ARFGAP1: variants seen among roughly 807,000 people sequenced by gnomAD.
ARFGAP1 encodes ARF GTPase activating protein 1, also known as ADP-ribosylation factor GTPase-activating protein 1.
In ARFGAP1, 26 loss-of-function variants were observed where a neutral mutation model predicts 54.0. That is an observed-to-expected ratio of 0.48 (90% CI 0.35 to 0.67). The LOEUF (loss-of-function observed/expected upper bound fraction) is 0.67. Ranked by LOEUF, ARFGAP1 falls within the 30% of genes least tolerant of loss-of-function variation. The pLI is 0.00. For missense variants in ARFGAP1, 525 were observed against 535.8 expected (o/e 0.98, Z 0.20); for synonymous variants, 248 against 211.9 (o/e 1.17, Z -1.48).
rs1367390522 is a variant in ARFGAP1, at chr20:63,278,173, G to A, written c.500G>A (p.Trp167Ter). The A allele has an allele frequency of 6.2e-7, 1 of 1,613,706 alleles. No homozygotes were observed. Among genetic ancestry groups the A allele is most frequent in the Non-Finnish European group, 8.5e-7 (1 of 1,179,960 alleles). The change falls in exon 6 of 13, where the codon TGG (tryptophan) becomes TAG (stop). Residue 167 changes from tryptophan to a stop codon, truncating the protein, a stop_gained. Transcript: ENST00000370283. LOFTEE classifies it high-confidence loss of function. ...TCCTCGGACAAGGCTTTTGAAGACT[G>A]GCTGAATGATGACCTCGGCTCCTAT... ...TASSDKAFED[W>*]LNDDLGSYQG... is the part of the protein sequence containing the mutation.
At chr20:63,280,937 C>T (rs1007190622) in intron 7 of ARFGAP1, among the ~76,000 whole-genome samples, 11 of 152,214 alleles carry the variant, frequency 7.2e-5, no homozygotes, top group African/African-American at 2.7e-4. Flanking sequence ...CCCCACACGC[C>T]TCACCTCTGC....
At chr20:63,281,165 G>A in intron 7 of ARFGAP1, 126 bp from the exon 8 acceptor site, 1 of 983,512 alleles carries the variant, frequency 1.0e-6, no homozygotes. Context: ...GGCGCGGTGG[G>A]GTCAGGATGG....
chr20:63,285,410 G>A (rs1003531106), intron 10 of ARFGAP1: 30 of 581,064 alleles, frequency 5.2e-5, no homozygotes, highest in African/African-American at 2.1e-4. Flanking sequence ...CTTAGGTCAC[G>A]TTGCTATTTG....
intron 12 of ARFGAP1, among the ~76,000 whole-genome samples, chr20:63,286,647 G>A (rs903754873): frequency 1.3e-5 from 2 of 152,074 alleles, no homozygotes; most frequent in African/African-American, 4.8e-5. Flanking sequence ...GCTGGGGAGG[G>A]GGCACTGTGG....
At chr20:63,275,996 C>A in intron 2 of ARFGAP1, 95 bp from the exon 3 acceptor site, 1 of 1,155,712 alleles carries the variant, frequency 8.7e-7, no homozygotes, top group Non-Finnish European at 1.3e-6. Context: ...CTGGGCAGCC[C>A]TCTGCATTCG....
chr20:63,284,580 G>A (rs2067474913), intron 9 of ARFGAP1: 1 of 1,295,608 alleles, frequency 7.7e-7, no homozygotes, highest in African/African-American at 1.5e-5. Context: ...GTTCCCACCA[G>A]CCCGGCCCGG....
chr20:63,281,157 C>A, intron 7 of ARFGAP1, 134 bp from the exon 8 acceptor site: 1 of 862,352 alleles, frequency 1.2e-6, no homozygotes, highest in Non-Finnish European at 1.8e-6. Context: ...GAGAAGCAGG[C>A]GCGGTGGGGT....
intron 2 of ARFGAP1, 45 bp downstream of exon 2, chr20:63,275,685 T>G (rs752300235): frequency 1.3e-6 from 2 of 1,582,950 alleles, no homozygotes; most frequent in Non-Finnish European, 8.7e-7. Context: ...TTGGTCAGGG[T>G]CAGTGAGTTC....
intron 9 of ARFGAP1, chr20:63,283,829 G>C (rs2067450204): frequency 1.2e-6 from 2 of 1,613,456 alleles, no homozygotes; most frequent in African/African-American, 1.3e-5. Flanking sequence ...CTCCTCACCT[G>C]TCTTCTTGCT....
chr20:63,283,909 G>T (rs376337334), intron 9 of ARFGAP1: 3 of 1,612,116 alleles, frequency 1.9e-6, no homozygotes, highest in East Asian at 2.2e-5. Flanking sequence ...CGTGCATGCC[G>T]CCCGCATCTC....
intron 1 of ARFGAP1, among the ~76,000 whole-genome samples, chr20:63,274,492 A>C (rs992306780): frequency 1.3e-5 from 2 of 152,116 alleles, no homozygotes; most frequent in Non-Finnish European, 2.9e-5. Flanking sequence ...TGGCACTGGG[A>C]AGGTCAGCAG....
intron 11 of ARFGAP1, 128 bp from the exon 12 acceptor site, chr20:63,286,238 C>T (rs1568744370): frequency 6.4e-6 from 10 of 1,550,594 alleles, no homozygotes; most frequent in Non-Finnish European, 8.7e-6. Flanking sequence ...TGCGAGGCAC[C>T]CCTTGTTTCT....
chr20:63,288,056 G>A lies in ARFGAP1; in HGVS notation c.*183G>A. ...CGCCTGCGCGTGGGGAGTCTTCGGT[G>A]CGTGGGGGCGGCTTGCTGTCCAGCC... On this transcript the variant is annotated 3_prime_UTR_variant, in exon 13 of 13. Transcript: ENST00000370283. 1.4e-6 allele frequency: 1 copy of A among 712,748 alleles called. No homozygotes were observed. Among genetic ancestry groups the A allele is most frequent in the Non-Finnish European group, 2.3e-6 (1 of 439,450 alleles). 44.2% of individuals were successfully genotyped at this position (712,748 alleles called of 1,614,324 possible). A position where few individuals can be genotyped will look rare whatever the true frequency, so the allele number is the denominator to read the frequency against.
In ARFGAP1 at chr20:63,284,876, T is replaced by C; in HGVS notation, c.728T>C (p.Leu243Pro). The change falls in exon 10 of 13, where the codon CTG becomes CCG. Residue 243 changes from leucine (L) to proline (P), a missense_variant. Physicochemically the swap from Leu to Pro is moderately conservative, Grantham distance 98. Coordinates refer to ENST00000370283, the MANE Select transcript of ARFGAP1 (RefSeq NM_018209.4). ...GSQASQKASE[L>P]GHSLNENVLK... ...CTTCCCTTCCTACAGGCGTCCGAGCTGGGCCACAGCCTGAACGAGAACGTC... is the reference window on the plus strand; with the variant it reads ...CTTCCCTTCCTACAGGCGTCCGAGCCGGGCCACAGCCTGAACGAGAACGTC... The C allele has an allele frequency of 6.2e-7, 1 of 1,612,976 alleles. No homozygotes were observed. The highest frequency in any genetic ancestry group is 8.5e-7 in the Non-Finnish European group (1 of 1,179,934).
Position 63,286,409 on chromosome 20 carries a change from T to G in ARFGAP1, c.878T>G (p.Phe293Cys), listed in dbSNP as rs889186659. 1 of 1,613,364 alleles carries G rather than the reference T, an allele frequency of 6.2e-7. No individual in the cohort carries two copies. Among genetic ancestry groups the G allele is most frequent in the Non-Finnish European group, 8.5e-7 (1 of 1,179,988 alleles). The change falls in exon 12 of 13, where the codon TTT becomes TGT. Residue 293 changes from phenylalanine (F) to cysteine (C), a missense_variant. Transcript: ENST00000370283. ...GSKGWRDVTT[F>C]FSGKAEGPLD... ...AAGGGATGGCGGGACGTCACCACCT[T>G]TTTTTCGGGGAAAGCAGAGGGCCCC...
chr20:63,283,900 G>A (rs777950679), intron 9 of ARFGAP1: 38 of 1,612,896 alleles, frequency 2.4e-5, no homozygotes, highest in Admixed American at 1.3e-4. Flanking sequence ...GTGTCTGCTC[G>A]TGCATGCCGC....
At chr20:63,273,055 C>T (rs2067143557) in intron 1 of ARFGAP1, 135 bp downstream of exon 1, 1 of 152,110 alleles carries the variant, frequency 6.6e-6, no homozygotes, top group African/African-American at 2.4e-5. Flanking sequence ...GGCTGCTGCC[C>T]CAGAGCTTGG....
chr20:63,282,361 C>A (rs2067407541), intron 8 of ARFGAP1, among the ~76,000 whole-genome samples: 1 of 152,260 alleles, frequency 6.6e-6, no homozygotes, highest in African/African-American at 2.4e-5. Flanking sequence ...TCTCCTCCCC[C>A]CGAGCTTTAA....
At chr20:63,279,195 CT>C (rs1330617387) in intron 7 of ARFGAP1, 200 bp downstream of exon 7, 1 of 658,376 alleles carries the variant, frequency 1.5e-6, no homozygotes, top group Admixed American at 2.3e-5. Flanking sequence ...TATTCAATCA[CT>C]TCCTTTTTTT....
Sources: gnomAD v4.1 joint callset for allele counts (sites outside exome capture counted in the v4.1 genomes callset) on GRCh38, gnomAD v4.1.1 for gene constraint, MANE v1.5 for transcripts, NCBI Gene and HGNC (gene_info 2026-07-23, HGNC 2026-07-21) for gene names.